Variants in SUPT3H observed in about 807,000 individuals in gnomAD.
SUPT3H encodes SPT3 homolog, SAGA and STAGA complex component.
A neutral mutation model predicts 44.3 loss-of-function variants in SUPT3H; 44 were observed. That is an observed-to-expected ratio of 0.99 (90% CI 0.78 to 1.28). The LOEUF is 1.28. Ranked by LOEUF, SUPT3H falls within the 50% of genes most tolerant of loss-of-function variation. SUPT3H has a pLI of 0.00. For missense variants in SUPT3H, 380 were observed against 387.1 expected (o/e 0.98, Z 0.15); for synonymous variants, 124 against 125.6 (o/e 0.99, Z 0.09).
chr6:45,255,209 A>C (rs1400496530), intron 2 of SUPT3H, among the ~76,000 whole-genome samples: 2 of 152,116 alleles, frequency 1.3e-5, no homozygotes, highest in Non-Finnish European at 2.9e-5. Flanking sequence ...GTAGTATTTG[A>C]GATTTCAGGC....
At chr6:45,121,851 T>A (rs772607004) in intron 2 of SUPT3H, among the ~76,000 whole-genome samples, 6 of 151,954 alleles carry the variant, frequency 3.9e-5, no homozygotes, top group East Asian at 1.9e-4. Flanking sequence ...AATTTTTGTG[T>A]TTTTTTAGTA....
chr6:45,199,095 T>C (rs1816568948), intron 2 of SUPT3H, among the ~76,000 whole-genome samples: 1 of 151,334 alleles, frequency 6.6e-6, no homozygotes, highest in Non-Finnish European at 1.5e-5. Context: ...TCTTTAAAAT[T>C]AGAAATGCAT....
intron 2 of SUPT3H, among the ~76,000 whole-genome samples, chr6:45,205,640 T>C (rs1227938526): frequency 6.6e-6 from 1 of 151,788 alleles, no homozygotes. Flanking sequence ...CTACTAAAAA[T>C]ACAAAAATGA....
At chr6:44,969,830 C>T (rs1407097537) in intron 6 of SUPT3H, among the ~76,000 whole-genome samples, 3 of 152,130 alleles carry the variant, frequency 2.0e-5, no homozygotes, top group Admixed American at 2.0e-4. Flanking sequence ...CCCAGAGTGG[C>T]ATTCATAATA....
chr6:44,866,103 C>T (rs1001227359), intron 10 of SUPT3H, among the ~76,000 whole-genome samples: 5 of 113,048 alleles, frequency 4.4e-5, no homozygotes, highest in African/African-American at 9.3e-5. Flanking sequence ...AAGCCTACAT[C>T]GACTTTTTTT....
At chr6:45,237,223 G>C (rs1562763870) in intron 2 of SUPT3H, among the ~76,000 whole-genome samples, 1 of 152,204 alleles carries the variant, frequency 6.6e-6, no homozygotes, top group Non-Finnish European at 1.5e-5. Flanking sequence ...TAAAGGTTCA[G>C]TAGATACAGG....
chr6:44,809,206 G>A (rs1766351360), downstream of SUPT3H: 1 of 152,232 alleles, frequency 6.6e-6, no homozygotes, highest in South Asian at 2.1e-4. Flanking sequence ...AGATTGAAGA[G>A]CTGAAAACGC....
chr6:44,917,021 G>A (rs141918515), intron 10 of SUPT3H, among the ~76,000 whole-genome samples: 75 of 151,640 alleles, frequency 4.9e-4, no homozygotes, highest in African/African-American at 1.8e-3. Context: ...GGGCATGACA[G>A]TATACGTCTG....
At chr6:45,269,742 G>A (rs1023429254) in intron 2 of SUPT3H, among the ~76,000 whole-genome samples, 8 of 152,250 alleles carry the variant, frequency 5.3e-5, no homozygotes, top group Middle Eastern at 3.4e-3. Context: ...TGTTTAAAGC[G>A]CAAGGGTTAT....
At chr6:45,277,285 TAC>T (rs1414830520) in intron 2 of SUPT3H, among the ~76,000 whole-genome samples, 4 of 152,228 alleles carry the variant, frequency 2.6e-5, no homozygotes, top group Non-Finnish European at 5.9e-5. Context: ...CATAAAATAT[TAC>T]AGTTATTTTT....
chr6:44,931,161 T>C (rs934586844), intron 10 of SUPT3H, among the ~76,000 whole-genome samples: 3 of 152,222 alleles, frequency 2.0e-5, no homozygotes, highest in Non-Finnish European at 2.9e-5. Flanking sequence ...TTGTATCAGA[T>C]ACATTTTCCT....
At chr6:45,243,994 C>T (rs1284693435) in intron 2 of SUPT3H, among the ~76,000 whole-genome samples, 1 of 152,182 alleles carries the variant, frequency 6.6e-6, no homozygotes, top group Admixed American at 6.5e-5. Context: ...CATCCTCCCA[C>T]ATCTGCCCTC....
chr6:45,250,397 G>A (rs1169268978), intron 2 of SUPT3H, among the ~76,000 whole-genome samples: 2 of 149,330 alleles, frequency 1.3e-5, no homozygotes, highest in African/African-American at 4.9e-5. Context: ...ATAAAACAAA[G>A]ACAATAAAAA....
At chr6:45,128,418 TC>T (rs1802769677) in intron 2 of SUPT3H, among the ~76,000 whole-genome samples, 1 of 140,918 alleles carries the variant, frequency 7.1e-6, no homozygotes, top group African/African-American at 2.7e-5. Flanking sequence ...GGCAGGGGAA[TC>T]GCTTGAACCC....
At chr6:44,951,683 G>A (rs999853542) in intron 9 of SUPT3H, among the ~76,000 whole-genome samples, 5 of 152,148 alleles carry the variant, frequency 3.3e-5, no homozygotes, top group Admixed American at 2.0e-4. Flanking sequence ...TGGGAACAGC[G>A]GCTGCGGTTG....
intron 3 of SUPT3H, among the ~76,000 whole-genome samples, chr6:45,101,428 A>AAAC (rs1040253894): frequency 1.1e-4 from 17 of 152,226 alleles, no homozygotes; most frequent in Admixed American, 5.2e-4. Flanking sequence ...TCCGTCTCCA[A>AAAC]AACAACAACA....
At chr6:45,332,653 A>G (rs1481489288) in intron 2 of SUPT3H, among the ~76,000 whole-genome samples, 2 of 151,860 alleles carry the variant, frequency 1.3e-5, no homozygotes, top group African/African-American at 4.8e-5. Context: ...ATCTTTAGAC[A>G]TTTTATATGA....
At chr6:45,050,867 G>A (rs1445093964) in intron 3 of SUPT3H, among the ~76,000 whole-genome samples, 1 of 147,612 alleles carries the variant, frequency 6.8e-6, no homozygotes, top group East Asian at 2.1e-4. Flanking sequence ...GTGTGTATAA[G>A]AGGGTATGGG....
intron 2 of SUPT3H, among the ~76,000 whole-genome samples, chr6:45,246,511 T>C (rs934649896): frequency 3.9e-5 from 6 of 152,172 alleles, no homozygotes; most frequent in African/African-American, 1.4e-4. Context: ...CATGGTTTGT[T>C]TTCTCCAAAT....
Sources: allele counts gnomAD v4.1 joint callset (sites outside exome capture counted in the v4.1 genomes callset), GRCh38; gene constraint gnomAD v4.1.1; transcripts MANE v1.5; gene names NCBI Gene and HGNC (gene_info 2026-07-23, HGNC 2026-07-21).